GTSF1: variants seen among roughly 807,000 people sequenced by gnomAD.
GTSF1 encodes gametocyte specific factor 1.
GTSF1 carries 11 observed loss-of-function variants against 28.9 expected under a neutral mutation model. That is an observed-to-expected ratio of 0.38 (90% CI 0.24 to 0.63). The LOEUF is 0.63. GTSF1 is among the 30% of genes least tolerant of loss of function. GTSF1 has a pLI of 0.56. For missense variants in GTSF1, 146 were observed against 201.0 expected, an observed-to-expected ratio of 0.73 and a Z score of 1.66; for synonymous variants, 69 against 65.6, an observed-to-expected ratio of 1.05 and a Z score of -0.25.
intron 8 of GTSF1, among the ~76,000 whole-genome samples, chr12:54,457,526 T>C (rs1337251663): frequency 2.0e-5 from 3 of 152,206 alleles, no homozygotes; most frequent in Admixed American, 6.5e-5. Flanking sequence ...GCAATCCCCC[T>C]GTCTTGGTCT....
chr12:54,460,419 G>A lies in GTSF1; in HGVS notation c.445C>T (p.Arg149Ter). 3 of 1,613,830 alleles carry A rather than the reference G, an allele frequency of 1.9e-6. No homozygotes were observed. The highest frequency in any genetic ancestry group is 2.5e-6 in the Non-Finnish European group (3 of 1,179,816). ...EHKNNLASGM[R>*]VPKSLPYVLP... ...ACATACGGCAGAGATTTGGGAACTC[G>A]CATGCCTGAAGCCAGGTTATTCTTA... is the stretch of plus-strand genomic sequence containing the variant. The change falls in exon 7 of 9, where the codon CGA becomes TGA. Residue 149 changes from arginine to a stop codon, truncating the protein, a stop_gained. Transcript: ENST00000305879. LOFTEE classifies it high-confidence loss of function.
chr12:54,468,059 C>A (rs1230643138), intron 2 of GTSF1, among the ~76,000 whole-genome samples: 1 of 152,100 alleles, frequency 6.6e-6, no homozygotes, highest in African/African-American at 2.4e-5. Flanking sequence ...CCGCGCCTGG[C>A]CCAGTTTTTA....
intron 2 of GTSF1, among the ~76,000 whole-genome samples, chr12:54,469,110 C>T (rs150966191): frequency 0.01 from 1,580 of 152,200 alleles, 26 homozygotes; most frequent in African/African-American, 0.036. Flanking sequence ...GACGGAGTCT[C>T]GGTCTGTCGC....
chr12:54,472,606 C>G (rs1271301473), intron 1 of GTSF1: 2 of 152,080 alleles, frequency 1.3e-5, no homozygotes, highest in African/African-American at 4.8e-5. Context: ...AAAACCATCC[C>G]CATACGAAAC....
intron 2 of GTSF1, among the ~76,000 whole-genome samples, chr12:54,470,352 T>C (rs911762143): frequency 6.6e-6 from 1 of 152,220 alleles, no homozygotes; most frequent in African/African-American, 2.4e-5. Flanking sequence ...TTCAACAAGC[T>C]TTCCAGGTGA....
intron 2 of GTSF1, among the ~76,000 whole-genome samples, chr12:54,466,219 C>T (rs1956510686): frequency 6.6e-6 from 1 of 152,200 alleles, no homozygotes; most frequent in Non-Finnish European, 1.5e-5. Context: ...ATTATGAAGA[C>T]AAGAGGCAAC....
chr12:54,459,202 A>G, intron 7 of GTSF1, 77 bp from the exon 8 acceptor site: 1 of 1,505,280 alleles, frequency 6.6e-7, no homozygotes, highest in Non-Finnish European at 9.1e-7. Context: ...TACTAAACAC[A>G]AATGACTTAT....
At chr12:54,466,491 A>G (rs1956514251) in intron 2 of GTSF1, among the ~76,000 whole-genome samples, 1 of 152,210 alleles carries the variant, frequency 6.6e-6, no homozygotes, top group African/African-American at 2.4e-5. Context: ...AGGCAGGCTT[A>G]TTATGCTAAC....
chr12:54,472,527 T>C (rs796801802), intron 1 of GTSF1: 33 of 152,366 alleles, frequency 2.2e-4, no homozygotes, highest in African/African-American at 7.9e-4. Flanking sequence ...CCTTTTCTAT[T>C]AGAAATCTCT....
At chr12:54,459,168 G>T in intron 7 of GTSF1, 43 bp from the exon 8 acceptor site, 1 of 1,571,258 alleles carries the variant, frequency 6.4e-7, no homozygotes, top group Non-Finnish European at 8.7e-7. Flanking sequence ...CATGTCAATT[G>T]AAATTCACTC....
intron 7 of GTSF1, chr12:54,459,490 TA>T (rs1565657112): frequency 1.6e-6 from 2 of 1,278,992 alleles, no homozygotes; most frequent in Admixed American, 2.4e-5. Context: ...TTGTATTAAG[TA>T]AAAATGACAG....
intron 1 of GTSF1, chr12:54,472,134 GGCAGGTT>G: frequency 6.7e-6 from 1 of 149,552 alleles, no homozygotes; most frequent in African/African-American, 2.5e-5. Flanking sequence ...AATACAGATA[GGCAGGTT>G]ACCAGTCTTG....
At position 54,460,449 on chromosome 12, in the gene GTSF1, C is replaced by G. The variant is rs576100454; in HGVS notation, c.415G>C (p.Glu139Gln). The change falls in exon 7 of 9, where the codon GAA becomes CAA. Residue 139 changes from glutamate to glutamine, a missense_variant. By Grantham distance (29) the Glu-to-Gln change is conservative. Transcript: ENST00000305879. ...NNSPASNIVT[E>Q]HKNNLASGMR... ...CCTGAAGCCAGGTTATTCTTATGTT[C>G]TGTAACTATGTTGCTCGCAGGGCTG... 4 of 1,613,786 alleles carry G rather than the reference C, an allele frequency of 2.5e-6. No homozygotes were observed. In the South Asian group the frequency reaches 4.4e-5, roughly 18 times the overall value.
intron 5 of GTSF1, among the ~76,000 whole-genome samples, chr12:54,462,419 G>GC (rs1956436869): frequency 6.6e-6 from 1 of 152,062 alleles, no homozygotes; most frequent in African/African-American, 2.4e-5. Flanking sequence ...CACAATTTAT[G>GC]GAAAAAAACA....
At chr12:54,465,232 A>G in intron 2 of GTSF1, 65 bp from the exon 3 acceptor site, 1 of 1,045,306 alleles carries the variant, frequency 9.6e-7, no homozygotes, top group South Asian at 1.3e-5. Context: ...ACAGCATTCC[A>G]GGCACACTGG....
At chr12:54,456,354 A>G (rs1956330015) in intron 8 of GTSF1, among the ~76,000 whole-genome samples, 1 of 152,228 alleles carries the variant, frequency 6.6e-6, no homozygotes, top group Non-Finnish European at 1.5e-5. Flanking sequence ...GAAACTTGTT[A>G]ATTGAATTAA....
intron 2 of GTSF1, 47 bp downstream of exon 2, chr12:54,471,186 A>G (rs1307027070): frequency 1.4e-6 from 2 of 1,448,846 alleles, no homozygotes; most frequent in Non-Finnish European, 1.9e-6. Context: ...ATAAAACTAT[A>G]CGTAAATGAT....
intron 8 of GTSF1, 81 bp downstream of exon 8, chr12:54,459,008 A>G (rs893427907): frequency 1.0e-6 from 1 of 956,598 alleles, no homozygotes; most frequent in African/African-American, 1.6e-5. Context: ...ATCTGAAAGA[A>G]AATTGGACCC....
intron 2 of GTSF1, among the ~76,000 whole-genome samples, chr12:54,466,050 ACTG>A (rs1450991790): frequency 2.6e-5 from 4 of 152,354 alleles, no homozygotes; most frequent in African/African-American, 7.2e-5. Context: ...GGTTAAGACA[ACTG>A]CAGACATATG....
Sources: allele counts gnomAD v4.1 joint callset (sites outside exome capture counted in the v4.1 genomes callset), GRCh38; gene constraint gnomAD v4.1.1; transcripts MANE v1.5; gene names NCBI Gene and HGNC (gene_info 2026-07-23, HGNC 2026-07-21).